The following ECT2 variants were observed in gnomAD, a reference collection of about 807,000 sequenced individuals.
ECT2 encodes the protein epithelial cell transforming 2, also known as protein ECT2.
Under a neutral mutation model 116.9 loss-of-function variants are expected in ECT2, and 61 were observed. The ratio of observed to expected loss-of-function variants is 0.52; its 90% confidence interval spans 0.42 to 0.65. The LOEUF (loss-of-function observed/expected upper bound fraction) is 0.65, where lower values mean the gene tolerates loss of function less well. Ranked by LOEUF, ECT2 falls within the 30% of genes least tolerant of loss-of-function variation. The probability of loss-of-function intolerance (pLI) is 0.00; values close to 1 mark genes in which losing one functional copy is unlikely to be tolerated. For synonymous variants in ECT2, 358 were observed against 346.4 expected, an observed-to-expected ratio of 1.03 and a Z score of -0.37; for missense variants, 937 against 1,078.7, an observed-to-expected ratio of 0.87 and a Z score of 1.84.
chr3:172,797,218 A>G (rs58097307), intron 18 of ECT2, among the ~76,000 whole-genome samples: 9,243 of 129,700 alleles, frequency 0.071, 962 homozygotes, highest in African/African-American at 0.23. Context: ...TTTTTTTTTT[A>G]GAGATGTGCT....
chr3:172,818,041 C>T (rs1577054681), intron 24 of ECT2, among the ~76,000 whole-genome samples: 1 of 152,196 alleles, frequency 6.6e-6, no homozygotes, highest in East Asian at 1.9e-4. Flanking sequence ...AGAACAGTAC[C>T]TGGCACATTG....
chr3:172,809,609 ACG>A (rs111438105), intron 22 of ECT2, among the ~76,000 whole-genome samples: 8 of 151,350 alleles, frequency 5.3e-5, no homozygotes, highest in African/African-American at 1.7e-4. Context: ...GCACACACAC[ACG>A]TGAAAGATGT....
intron 6 of ECT2, among the ~76,000 whole-genome samples, chr3:172,759,382 G>A (rs1717760170): frequency 6.6e-6 from 1 of 152,138 alleles, no homozygotes; most frequent in Non-Finnish European, 1.5e-5. Context: ...TTCTTATTAT[G>A]CAAGTTCAGC....
intron 24 of ECT2, among the ~76,000 whole-genome samples, chr3:172,819,521 A>G (rs1158833815): frequency 6.6e-6 from 1 of 152,016 alleles, no homozygotes; most frequent in East Asian, 1.9e-4. Flanking sequence ...ATTTAAAAAT[A>G]TTTTTTAGAG....
intron 17 of ECT2, among the ~76,000 whole-genome samples, chr3:172,785,578 T>C (rs934947909): frequency 1.3e-5 from 2 of 150,806 alleles, no homozygotes; most frequent in Admixed American, 1.3e-4. Context: ...ATAAAAGATA[T>C]AATTCCTAAG....
chr3:172,799,627 T>C (rs1041660093), intron 18 of ECT2, among the ~76,000 whole-genome samples: 7 of 152,162 alleles, frequency 4.6e-5, no homozygotes, highest in South Asian at 4.1e-4. Flanking sequence ...TTCTGTAGAG[T>C]TGGCATTCTT....
chr3:172,813,880 GAAT>G (rs1229693164), intron 22 of ECT2, among the ~76,000 whole-genome samples: 1 of 142,722 alleles, frequency 7.0e-6, no homozygotes, highest in Non-Finnish European at 1.5e-5. Context: ...ATACAAAACT[GAAT>G]AATATTCCAG....
In ECT2 at chr3:172,783,821, A is replaced by C; in HGVS notation, c.1640A>C (p.Tyr547Ser). 6.2e-7 allele frequency: 1 copy of C among 1,603,712 alleles called. No individual in the cohort carries two copies. Among genetic ancestry groups the C allele is most frequent in the Non-Finnish European group, 8.5e-7 (1 of 1,175,112 alleles). ...LKYSKDLVKT[Y>S]PPFVNFFEMS... ...TAGTCAAAAGATTTGGTAAAAACCTACCCTCCCTTTGTAAACTTCTTTGAA... is the reference window on the plus strand; with the variant it reads ...TAGTCAAAAGATTTGGTAAAAACCTCCCCTCCCTTTGTAAACTTCTTTGAA... The change falls in exon 16 of 25, where the codon TAC becomes TCC. Residue 547 changes from tyrosine (Y) to serine (S), a missense_variant. Tyr to Ser is a moderately radical substitution (Grantham distance 144). Transcript: ENST00000392692.
intron 18 of ECT2, among the ~76,000 whole-genome samples, chr3:172,801,436 C>G (rs1726700100): frequency 6.6e-6 from 1 of 152,218 alleles, no homozygotes; most frequent in Non-Finnish European, 1.5e-5. Flanking sequence ...ATTGATATCA[C>G]TGTTCCATGC....
In ECT2 at chr3:172,793,580, C is replaced by G. The variant is rs1324894186; in HGVS notation, c.1907+7006C>G. Among the ~76,000 whole-genome samples, 5 of 152,290 alleles carry G rather than the reference C, an allele frequency of 3.3e-5. No individual in the cohort carries two copies. The East Asian group carries it at 9.7e-4, about 29-fold the overall frequency. On this transcript the variant is annotated intron_variant, in intron 18 of 24. Transcript: ENST00000392692. Reference sequence around the variant, plus strand: ...CCAGGTTCAAGCAATTCTCCCGCCTCAGCCTCCCGAGTAATTGAGATTACA... The same window carrying G: ...CCAGGTTCAAGCAATTCTCCCGCCTGAGCCTCCCGAGTAATTGAGATTACA...
chr3:172,759,686 C>T (rs760747477), intron 6 of ECT2, among the ~76,000 whole-genome samples: 93 of 152,198 alleles, frequency 6.1e-4, no homozygotes, highest in Non-Finnish European at 9.7e-4. Context: ...CCTCGTGATC[C>T]GCTTGCCTCG....
intron 23 of ECT2, 43 bp from the exon 24 acceptor site, chr3:172,816,648 A>G: frequency 6.6e-7 from 1 of 1,518,990 alleles, no homozygotes; most frequent in South Asian, 1.3e-5. Context: ...CATCAGCTGT[A>G]TTGAATTTGT....
intron 5 of ECT2, among the ~76,000 whole-genome samples, chr3:172,757,413 T>TA (rs1717213961): frequency 7.7e-6 from 1 of 130,004 alleles, no homozygotes; most frequent in South Asian, 2.4e-4. Flanking sequence ...AAATACATAG[T>TA]CCTTTTTTTT....
intron 18 of ECT2, among the ~76,000 whole-genome samples, chr3:172,791,448 T>C (rs1724648891): frequency 2.0e-5 from 3 of 152,260 alleles, no homozygotes. Flanking sequence ...GAAAATCTGT[T>C]GTTTATTATA....
At chr3:172,802,494 T>C in intron 18 of ECT2, 122 bp from the exon 19 acceptor site, 1 of 608,474 alleles carries the variant, frequency 1.6e-6, no homozygotes, top group South Asian at 2.6e-5. Context: ...TTTTAAGGAA[T>C]ATTTTAACTG....
Position 172,784,630 on chromosome 3 carries a change from G to T in ECT2, c.1729-77G>T, listed in dbSNP as rs528713272. ...TTTGTATCACAGACACTAATGATAA[G>T]GTGTACTCCAGTAAAAGTAGGGCAT... On this transcript the variant is annotated intron_variant, in intron 16 of 24. Coordinates refer to ENST00000392692, the MANE Select transcript of ECT2 (RefSeq NM_001258315.2). The T allele has an allele frequency of 3.0e-6, 3 of 986,786 alleles. No homozygotes were observed. In the East Asian group the frequency reaches 7.2e-5, roughly 24 times the overall value. 61.1% of individuals were successfully genotyped at this position (986,786 alleles called of 1,614,324 possible).
chr3:172,751,470 A>G (rs1715810694), intron 1 of ECT2, among the ~76,000 whole-genome samples: 1 of 152,206 alleles, frequency 6.6e-6, no homozygotes. Flanking sequence ...TCATCCATAC[A>G]TTGAAAATAA....
chr3:172,797,185 G>A (rs191127346), intron 18 of ECT2, among the ~76,000 whole-genome samples: 5 of 149,338 alleles, frequency 3.3e-5, no homozygotes, highest in Admixed American at 6.9e-5. Context: ...GTGCACCACC[G>A]TGCCTAGCTA....
At chr3:172,824,786 C>T (rs1362940244), downstream of ECT2, among the ~76,000 whole-genome samples, 1 of 152,088 alleles carries the variant, frequency 6.6e-6, no homozygotes, top group Non-Finnish European at 1.5e-5. Context: ...CACCCAATCC[C>T]CTATTGATGA....
Sources: allele counts gnomAD v4.1 joint callset (sites outside exome capture counted in the v4.1 genomes callset), GRCh38; gene constraint gnomAD v4.1.1; transcripts MANE v1.5; gene names NCBI Gene and HGNC (gene_info 2026-07-23, HGNC 2026-07-21).